Variants in CTNNA3 observed in about 807,000 individuals in gnomAD.
CTNNA3 encodes the protein catenin alpha 3, also known as catenin alpha-3.
Under a neutral mutation model 95.7 loss-of-function variants are expected in CTNNA3, and 76 were observed. The observed-to-expected ratio is 0.79, with a 90% CI of 0.66 to 0.96. The LOEUF (loss-of-function observed/expected upper bound fraction) is 0.96. CTNNA3 is among the 40% of genes least tolerant of loss of function. CTNNA3 has a pLI of 0.00. For synonymous variants in CTNNA3, 431 were observed against 374.4 expected, an observed-to-expected ratio of 1.15 and a Z score of -1.74; for missense variants, 1,191 against 1,089.8, an observed-to-expected ratio of 1.09 and a Z score of -1.31.
At chr10:66,036,803 C>T (rs113430780) in intron 15 of CTNNA3, among the ~76,000 whole-genome samples, 78 of 151,374 alleles carry the variant, frequency 5.2e-4, no homozygotes, top group African/African-American at 1.8e-3. Flanking sequence ...AATTATTTGG[C>T]CTGGACTATA....
In CTNNA3 at chr10:67,297,851, C is replaced by A. The variant is rs184631142; in HGVS notation, c.580-77981G>T. On this transcript the variant is annotated intron_variant, in intron 5 of 17. Coordinates refer to ENST00000433211, the MANE Select transcript of CTNNA3 (RefSeq NM_013266.4). ...CCTGCGGTCATGTAGGGTCCAGAAG[C>A]AAGCCAGAAAAACTGCTTTTTAAAT... is the stretch of plus-strand genomic sequence containing the variant. Among the ~76,000 whole-genome samples the A allele has an allele frequency of 5.9e-5, 9 of 152,320 alleles. No individual in the cohort carries two copies. In the East Asian group the frequency reaches 1.4e-3, roughly 23 times the overall value.
At chr10:67,091,058 G>T (rs1857599992) in intron 7 of CTNNA3, among the ~76,000 whole-genome samples, 1 of 151,938 alleles carries the variant, frequency 6.6e-6, no homozygotes, top group South Asian at 2.1e-4. Flanking sequence ...TAATACCAAA[G>T]GGACAGCTTT....
intron 2 of CTNNA3, among the ~76,000 whole-genome samples, chr10:67,637,659 T>A (rs968022913): frequency 1.5e-3 from 222 of 152,208 alleles, no homozygotes; most frequent in Non-Finnish European, 2.4e-3. Context: ...GACTAATAGC[T>A]GATCTCTCGG....
intron 9 of CTNNA3, among the ~76,000 whole-genome samples, chr10:66,655,437 C>A (rs957452616): frequency 6.6e-6 from 1 of 151,672 alleles, no homozygotes; most frequent in East Asian, 1.9e-4. Context: ...GATGGTGATG[C>A]TAAACAAATG....
At chr10:67,543,161 A>T (rs1392071290) in intron 3 of CTNNA3, among the ~76,000 whole-genome samples, 2 of 152,112 alleles carry the variant, frequency 1.3e-5, no homozygotes, top group Non-Finnish European at 2.9e-5. Flanking sequence ...GAGTCCATTT[A>T]GTTCCTTTCC....
At chr10:66,760,872 G>T (rs781242143) in intron 9 of CTNNA3, among the ~76,000 whole-genome samples, 8 of 152,074 alleles carry the variant, frequency 5.3e-5, no homozygotes, top group Non-Finnish European at 1.0e-4. Context: ...AAGCATTCCC[G>T]CCTATAGCAT....
Position 67,546,454 on chromosome 10 carries a change from A to G in CTNNA3, c.293-6785T>C, listed in dbSNP as rs570289943. Among the ~76,000 whole-genome samples the G allele has an allele frequency of 2.0e-5, 3 of 152,288 alleles. No homozygotes were observed. In the South Asian group the frequency reaches 6.2e-4, roughly 32 times the overall value. ...AGCTAAATTTGACAATAATTTTAAG[A>G]TAATAAAATACACAAAATATATTCC... On this transcript the variant is annotated intron_variant, in intron 3 of 17. Transcript: ENST00000433211.
chr10:67,663,390 A>T (rs903564391), intron 1 of CTNNA3, among the ~76,000 whole-genome samples: 3 of 152,018 alleles, frequency 2.0e-5, no homozygotes, highest in African/African-American at 7.2e-5. Flanking sequence ...ACCAAAAAAA[A>T]AAGCAATTGA....
At chr10:66,250,164 G>A (rs1394930524) in intron 13 of CTNNA3, among the ~76,000 whole-genome samples, 2 of 152,118 alleles carry the variant, frequency 1.3e-5, no homozygotes, top group Non-Finnish European at 2.9e-5. Flanking sequence ...AATGAGTCAG[G>A]AATAGAAAGA....
chr10:67,750,991 A>G, intron 1 of CTNNA3: 1 of 1,590,708 alleles, frequency 6.3e-7, no homozygotes, highest in Non-Finnish European at 8.6e-7. Context: ...GATTAAGGAG[A>G]TTGCTGCAAG....
intron 15 of CTNNA3, among the ~76,000 whole-genome samples, chr10:66,060,895 A>C (rs2133569720): frequency 6.6e-6 from 1 of 152,236 alleles, no homozygotes; most frequent in Admixed American, 6.6e-5. Flanking sequence ...CCCATCCTCT[A>C]CCACTCTGCT....
intron 5 of CTNNA3, among the ~76,000 whole-genome samples, chr10:67,468,034 T>TA (rs778123047): frequency 2.0e-5 from 3 of 151,790 alleles, no homozygotes; most frequent in Non-Finnish European, 2.9e-5. Context: ...TTTTTTTTTT[T>TA]AACTTTAAGT....
chr10:66,411,517 T>C (rs76560149), intron 11 of CTNNA3, among the ~76,000 whole-genome samples: 5,541 of 152,086 alleles, frequency 0.036, 356 homozygotes, highest in East Asian at 0.23. Flanking sequence ...TTTATATAAA[T>C]ATGGAATTCA....
intron 7 of CTNNA3, among the ~76,000 whole-genome samples, chr10:66,909,142 G>A (rs1323006564): frequency 2.6e-5 from 4 of 152,128 alleles, no homozygotes; most frequent in Admixed American, 6.6e-5. Context: ...AACAGGAAGA[G>A]TAAACAGCTC....
intron 10 of CTNNA3, among the ~76,000 whole-genome samples, chr10:66,616,207 T>C (rs996727975): frequency 6.6e-6 from 1 of 152,062 alleles, no homozygotes; most frequent in African/African-American, 2.4e-5. Context: ...CAAGATTTGT[T>C]TGTGCCCCCC....
chr10:65,922,953 G>A (rs1381682513), intron 17 of CTNNA3, among the ~76,000 whole-genome samples: 1 of 152,072 alleles, frequency 6.6e-6, no homozygotes, highest in Admixed American at 6.5e-5. Flanking sequence ...CAAAAGCAGG[G>A]AAAACTGCCT....
At chr10:67,436,123 G>C (rs1047953213) in intron 5 of CTNNA3, among the ~76,000 whole-genome samples, 2 of 152,116 alleles carry the variant, frequency 1.3e-5, no homozygotes, top group Admixed American at 1.3e-4. Flanking sequence ...TATAAAAATA[G>C]ACACATAGAC....
intron 12 of CTNNA3, among the ~76,000 whole-genome samples, chr10:66,371,155 T>C (rs1445158944): frequency 6.6e-6 from 1 of 152,228 alleles, no homozygotes; most frequent in Non-Finnish European, 1.5e-5. Context: ...TTCAATTCAG[T>C]ATCACTCTAC....
chr10:66,285,322 C>A (rs779668718), intron 12 of CTNNA3, among the ~76,000 whole-genome samples: 40 of 152,026 alleles, frequency 2.6e-4, no homozygotes, highest in Non-Finnish European at 5.2e-4. Context: ...AAACGCTAAT[C>A]ATTTAATTAG....
Sources: allele counts gnomAD v4.1 joint callset (sites outside exome capture counted in the v4.1 genomes callset), GRCh38; gene constraint gnomAD v4.1.1; transcripts MANE v1.5; gene names NCBI Gene and HGNC (gene_info 2026-07-23, HGNC 2026-07-21).